The following RABGAP1L variants were observed in gnomAD, a reference collection of about 807,000 sequenced individuals.
RABGAP1L encodes the protein rab GTPase-activating protein 1-like.
A neutral mutation model predicts 137.7 loss-of-function variants in RABGAP1L; 63 were observed. The observed-to-expected ratio is 0.46, with a 90% CI of 0.37 to 0.56. The LOEUF (loss-of-function observed/expected upper bound fraction) is 0.56. Among genes scored for constraint, RABGAP1L ranks in the 20% least tolerant of loss-of-function variants. The probability of loss-of-function intolerance (pLI) is 0.00; values close to 1 mark genes in which losing one functional copy is unlikely to be tolerated. For synonymous variants in RABGAP1L, 431 were observed against 433.7 expected (o/e 0.99, Z 0.08); for missense variants, 1,095 against 1,244.0 (o/e 0.88, Z 1.80).
At chr1:174,705,898 A>G (rs1205914539) in intron 17 of RABGAP1L, 1 of 152,196 alleles carries the variant, frequency 6.6e-6, no homozygotes, top group Non-Finnish European at 1.5e-5. Context: ...TTTTTGTCAT[A>G]TTCTCTGTTT....
At chr1:174,920,347 A>G (rs55793234) in intron 19 of RABGAP1L, among the ~76,000 whole-genome samples, 29,898 of 152,152 alleles carry the variant, frequency 0.2, 3,364 homozygotes, top group Admixed American at 0.24. Context: ...TGGTGCAGGG[A>G]AACTCCCATT....
intron 13 of RABGAP1L, among the ~76,000 whole-genome samples, chr1:174,419,955 A>G (rs1651061370): frequency 6.6e-6 from 1 of 152,182 alleles, no homozygotes; most frequent in African/African-American, 2.4e-5. Context: ...ATTTGAGCCC[A>G]AGAAACAAGA....
chr1:174,213,298 G>A (rs892372430), intron 1 of RABGAP1L, among the ~76,000 whole-genome samples: 6 of 152,150 alleles, frequency 3.9e-5, no homozygotes, highest in African/African-American at 1.4e-4. Flanking sequence ...GGTGGTGCAT[G>A]CCTGTAGTCC....
chr1:174,672,262 T>C (rs578038393), intron 14 of RABGAP1L, among the ~76,000 whole-genome samples: 22 of 100,184 alleles, frequency 2.2e-4, no homozygotes, highest in African/African-American at 1.4e-3. Flanking sequence ...ACTCATTTCA[T>C]TGATTTTTTT....
At chr1:174,509,384 A>G (rs547671943) in intron 13 of RABGAP1L, among the ~76,000 whole-genome samples, 2 of 152,246 alleles carry the variant, frequency 1.3e-5, no homozygotes, top group South Asian at 4.1e-4. Context: ...TTATATACAT[A>G]ATCACCTAAC....
At position 174,405,146 on chromosome 1, in the gene RABGAP1L, T is replaced by G. The variant is rs115337754; in HGVS notation, c.1710+11001T>G. 9.4e-3 allele frequency among the ~76,000 whole-genome samples: 1,436 copies of G among 152,316 alleles called. 22 individuals are homozygous for G. The highest frequency in any genetic ancestry group is 0.033 in the African/African-American group (1,375 of 41,554). On this transcript the variant is annotated intron_variant, in intron 13 of 25. Transcript: ENST00000681986. ...TCAAGAGGAGATGTTTAATTTGGTA[T>G]TTTTCTTTTGATTGAATAATGTTTG...
chr1:174,178,072 A>G (rs1428492227), intron 1 of RABGAP1L, among the ~76,000 whole-genome samples: 3 of 152,198 alleles, frequency 2.0e-5, no homozygotes, highest in Non-Finnish European at 4.4e-5. Context: ...TACTTTGGGC[A>G]TATGGCCATT....
chr1:174,705,838 T>G (rs1356155709), intron 17 of RABGAP1L: 2 of 152,212 alleles, frequency 1.3e-5, no homozygotes, highest in South Asian at 2.1e-4. Flanking sequence ...TGATGACATA[T>G]TCTAAGAATT....
intron 12 of RABGAP1L, among the ~76,000 whole-genome samples, chr1:174,373,464 C>T (rs1558177230): frequency 6.6e-6 from 1 of 152,142 alleles, no homozygotes; most frequent in Non-Finnish European, 1.5e-5. Context: ...TCTAGGAACT[C>T]AGAGGAGGTC....
chr1:174,821,034 AAAAC>A (rs1338164269), intron 19 of RABGAP1L, among the ~76,000 whole-genome samples: 1 of 152,062 alleles, frequency 6.6e-6, no homozygotes, highest in Non-Finnish European at 1.5e-5. Flanking sequence ...AAAAAAAAAA[AAAAC>A]TGCCCTGTGC....
At position 174,337,222 on chromosome 1, in the gene RABGAP1L, T is replaced by C. The variant is rs150013009; in HGVS notation, c.1465+32095T>C. ...CAGTTTTGTTTAGGGCTGTAGTCTC[T>C]TTGAGGCTTGGGGTGCTCTTCAAAG... On this transcript the variant is annotated intron_variant, in intron 11 of 25. Transcript: ENST00000681986. Among the ~76,000 whole-genome samples, 556 of 152,244 alleles carry C rather than the reference T, an allele frequency of 3.7e-3. 4 individuals are homozygous for C. Among genetic ancestry groups the C allele is most frequent in the African/African-American group, 0.012 (478 of 41,538 alleles).
intron 20 of RABGAP1L, among the ~76,000 whole-genome samples, chr1:174,967,008 T>C (rs1669685574): frequency 1.3e-5 from 2 of 152,166 alleles, no homozygotes; most frequent in Non-Finnish European, 1.5e-5. Context: ...AAAACATTTT[T>C]AAAAGAACAA....
chr1:174,952,739 G>A (rs1477177019), intron 19 of RABGAP1L, among the ~76,000 whole-genome samples: 1 of 152,040 alleles, frequency 6.6e-6, no homozygotes, highest in Admixed American at 6.6e-5. Context: ...ACAGGCATGT[G>A]CCACGATGCT....
At chr1:174,405,840 TG>T (rs1374691633) in intron 13 of RABGAP1L, among the ~76,000 whole-genome samples, 2 of 151,980 alleles carry the variant, frequency 1.3e-5, no homozygotes, top group African/African-American at 4.8e-5. Flanking sequence ...TAACTGGGTG[TG>T]GCGACACATG....
chr1:174,877,914 A>G (rs1342221029), intron 19 of RABGAP1L, among the ~76,000 whole-genome samples: 3 of 152,212 alleles, frequency 2.0e-5, no homozygotes, highest in Non-Finnish European at 2.9e-5. Context: ...ATAGCATACA[A>G]TTGAGGCTCA....
chr1:174,879,252 C>T lies in RABGAP1L; in HGVS notation c.2340+67292C>T, dbSNP rs556405632. Among the ~76,000 whole-genome samples the T allele has an allele frequency of 7.3e-4, 111 of 152,286 alleles. 1 individual carries two copies. Among genetic ancestry groups the T allele is most frequent in the African/African-American group, 2.5e-3 (103 of 41,558 alleles). On this transcript the variant is annotated intron_variant, in intron 19 of 25. Coordinates refer to ENST00000681986, the MANE Select transcript of RABGAP1L (RefSeq NM_001366446.1). ...AGTAGCTGGGACTACAGGTGCACAC[C>T]ACCATGCCCAGCTAATTTTTGTATT...
chr1:174,217,767 T>G (rs889174868), intron 1 of RABGAP1L, among the ~76,000 whole-genome samples: 4 of 152,196 alleles, frequency 2.6e-5, no homozygotes, highest in Non-Finnish European at 5.9e-5. Flanking sequence ...GTATGGTTAT[T>G]CTTTATTTTG....
intron 13 of RABGAP1L, among the ~76,000 whole-genome samples, chr1:174,460,232 CCT>C (rs1656521247): frequency 7.0e-6 from 1 of 143,344 alleles, no homozygotes; most frequent in Non-Finnish European, 1.6e-5. Flanking sequence ...TAATTAACTT[CCT>C]TTTTTTCCTC....
chr1:174,343,848 A>T (rs1336551616), intron 11 of RABGAP1L, among the ~76,000 whole-genome samples: 2 of 152,200 alleles, frequency 1.3e-5, no homozygotes, highest in Non-Finnish European at 2.9e-5. Context: ...ACAGATCAAA[A>T]TTACTAGGAA....
Sources: allele counts gnomAD v4.1 joint callset (sites outside exome capture counted in the v4.1 genomes callset), GRCh38; gene constraint gnomAD v4.1.1; transcripts MANE v1.5; gene names NCBI Gene and HGNC (gene_info 2026-07-23, HGNC 2026-07-21).